The following CCSER1 variants were observed in gnomAD, a reference collection of about 807,000 sequenced individuals.
The protein encoded by CCSER1 is coiled-coil serine rich protein 1, also known as serine-rich coiled-coil domain-containing protein 1.
A neutral mutation model predicts 82.0 loss-of-function variants in CCSER1; 41 were observed. The observed-to-expected ratio is 0.50, with a 90% CI of 0.39 to 0.65. The LOEUF (loss-of-function observed/expected upper bound fraction) is 0.65. CCSER1 is among the 30% of genes least tolerant of loss of function. The pLI is 0.00. For missense variants in CCSER1, 1,119 were observed against 1,064.2 expected, an observed-to-expected ratio of 1.05 and a Z score of -0.72; for synonymous variants, 414 against 383.9, an observed-to-expected ratio of 1.08 and a Z score of -0.92.
intron 1 of CCSER1, among the ~76,000 whole-genome samples, chr4:90,148,910 A>G (rs566739349): frequency 1.4e-4 from 22 of 152,214 alleles, no homozygotes; most frequent in Admixed American, 2.6e-4. Context: ...TCTTGAGTCA[A>G]TCTTATGCTT....
intron 10 of CCSER1, among the ~76,000 whole-genome samples, chr4:91,358,341 T>TC (rs1297293086): frequency 6.6e-6 from 1 of 151,590 alleles, no homozygotes; most frequent in East Asian, 1.9e-4. Context: ...GAATTTTTTT[T>TC]TTTTTAACAT....
At chr4:90,154,759 T>C (rs1426603867) in intron 1 of CCSER1, among the ~76,000 whole-genome samples, 1 of 148,420 alleles carries the variant, frequency 6.7e-6, no homozygotes, top group South Asian at 2.2e-4. Context: ...AAGTTGCTTA[T>C]CAGCTTAAGG....
intron 1 of CCSER1, among the ~76,000 whole-genome samples, chr4:90,241,720 C>T (rs1347456306): frequency 1.3e-5 from 2 of 151,998 alleles, no homozygotes; most frequent in Admixed American, 1.3e-4. Context: ...TGAATAAATC[C>T]AACAGATAAA....
At chr4:90,873,970 G>A (rs1170529857) in intron 8 of CCSER1, among the ~76,000 whole-genome samples, 1 of 151,986 alleles carries the variant, frequency 6.6e-6, no homozygotes, top group Non-Finnish European at 1.5e-5. Context: ...AGTTGCATAT[G>A]GTACGGTACT....
chr4:91,235,588 T>C (rs751706718), intron 10 of CCSER1, among the ~76,000 whole-genome samples: 4 of 152,164 alleles, frequency 2.6e-5, no homozygotes, highest in Non-Finnish European at 5.9e-5. Flanking sequence ...AAAATCAACG[T>C]ATCTTTTTAT....
At chr4:91,505,372 C>T (rs1485809972) in intron 10 of CCSER1, among the ~76,000 whole-genome samples, 1 of 152,130 alleles carries the variant, frequency 6.6e-6, no homozygotes, top group Non-Finnish European at 1.5e-5. Context: ...GATTCCATGT[C>T]TTTGCTAATG....
At chr4:91,175,534 A>G (rs1219931768) in intron 10 of CCSER1, among the ~76,000 whole-genome samples, 1 of 152,126 alleles carries the variant, frequency 6.6e-6, no homozygotes, top group African/African-American at 2.4e-5. Context: ...GTGAGATGGT[A>G]TCTCATTGTG....
chr4:90,177,389 G>A (rs890127850), intron 1 of CCSER1, among the ~76,000 whole-genome samples: 5 of 152,098 alleles, frequency 3.3e-5, no homozygotes, highest in Middle Eastern at 3.4e-3. Flanking sequence ...CACTTTAAGC[G>A]GTTTTACCAT....
intron 7 of CCSER1, among the ~76,000 whole-genome samples, chr4:90,742,005 C>G (rs1443034750): frequency 6.6e-6 from 1 of 151,974 alleles, no homozygotes; most frequent in Non-Finnish European, 1.5e-5. Context: ...GGAGGCATGC[C>G]TAGATAGGCC....
At chr4:90,949,341 AT>A (rs1732634805) in intron 9 of CCSER1, among the ~76,000 whole-genome samples, 1 of 152,156 alleles carries the variant, frequency 6.6e-6, no homozygotes, top group Non-Finnish European at 1.5e-5. Flanking sequence ...AGTAGATGAT[AT>A]AAAAACACAT....
At chr4:90,268,286 ATATCT>A (rs1431317166) in intron 1 of CCSER1, among the ~76,000 whole-genome samples, 64 of 152,318 alleles carry the variant, frequency 4.2e-4, no homozygotes, top group African/African-American at 1.5e-3. Flanking sequence ...TAAAGTACTC[ATATCT>A]TAAGTAGAAA....
intron 8 of CCSER1, among the ~76,000 whole-genome samples, chr4:90,894,428 A>T (rs925067687): frequency 6.6e-6 from 1 of 152,066 alleles, no homozygotes; most frequent in Non-Finnish European, 1.5e-5. Context: ...CTGTGTTGAA[A>T]ATGCCGAGGC....
intron 7 of CCSER1, among the ~76,000 whole-genome samples, chr4:90,729,356 A>G (rs1466908007): frequency 2.0e-5 from 3 of 152,212 alleles, no homozygotes; most frequent in Non-Finnish European, 2.9e-5. Context: ...ACTTTGATGA[A>G]GATTCAAGTT....
intron 10 of CCSER1, among the ~76,000 whole-genome samples, chr4:91,414,800 A>T (rs1753258298): frequency 1.3e-5 from 2 of 152,188 alleles, no homozygotes; most frequent in South Asian, 2.1e-4. Context: ...AATTAAAAAT[A>T]TCACATGAGA....
chr4:90,231,150 C>T (rs1744446995), intron 1 of CCSER1, among the ~76,000 whole-genome samples: 1 of 151,984 alleles, frequency 6.6e-6, no homozygotes, highest in Non-Finnish European at 1.5e-5. Flanking sequence ...GATAGCAAAG[C>T]CGGGCAGAGA....
chr4:91,079,000 C>G (rs1722360759), intron 9 of CCSER1, among the ~76,000 whole-genome samples: 1 of 152,204 alleles, frequency 6.6e-6, no homozygotes, highest in Admixed American at 6.5e-5. Context: ...TTGGAAAACA[C>G]TCTTCAGGAT....
intron 7 of CCSER1, among the ~76,000 whole-genome samples, chr4:90,772,980 C>T (rs1752411833): frequency 6.6e-6 from 1 of 152,112 alleles, no homozygotes; most frequent in African/African-American, 2.4e-5. Flanking sequence ...TTGGCTTATG[C>T]CTGTAATCCT....
At chr4:91,356,244 T>C (rs1050915195) in intron 10 of CCSER1, among the ~76,000 whole-genome samples, 4 of 152,226 alleles carry the variant, frequency 2.6e-5, no homozygotes, top group East Asian at 1.9e-4. Context: ...TTCTGACACA[T>C]AGAGTGTAAA....
chr4:90,948,092 T>C (rs1383829176), intron 9 of CCSER1, among the ~76,000 whole-genome samples: 3 of 152,168 alleles, frequency 2.0e-5, no homozygotes, highest in Non-Finnish European at 4.4e-5. Flanking sequence ...TTCTGCCCTT[T>C]TTTCAGTGTT....
Sources: allele counts gnomAD v4.1 joint callset (sites outside exome capture counted in the v4.1 genomes callset), GRCh38; gene constraint gnomAD v4.1.1; transcripts MANE v1.5; gene names NCBI Gene and HGNC (gene_info 2026-07-23, HGNC 2026-07-21).